The following SRD5A2 variants were observed in gnomAD, a reference collection of about 807,000 sequenced individuals.
SRD5A2 encodes the protein steroid 5 alpha-reductase 2, also known as 3-oxo-5-alpha-steroid 4-dehydrogenase 2.
SRD5A2 carries 30 observed loss-of-function variants against 27.4 expected under a neutral mutation model. The ratio of observed to expected loss-of-function variants is 1.10; its 90% CI spans 0.82 to 1.49. The LOEUF is 1.49. SRD5A2 is among the 40% of genes most tolerant of loss of function. The probability of loss-of-function intolerance (pLI) is 0.00; values close to 1 mark genes in which losing one functional copy is unlikely to be tolerated. For missense variants in SRD5A2, 348 were observed against 323.4 expected (o/e 1.08, Z -0.58); for synonymous variants, 141 against 133.6 (o/e 1.06, Z -0.38).
chr2:31,616,055 T>C, the SRD5A2 span, among the ~76,000 whole-genome samples: 2 of 152,078 alleles, frequency 1.3e-5, no homozygotes, highest in Non-Finnish European at 2.9e-5. Flanking sequence ...TCTCAGAGGA[T>C]GCATGGAAAT....
intron 1 of SRD5A2, among the ~76,000 whole-genome samples, chr2:31,574,076 T>C (rs1245537652): frequency 1.3e-5 from 2 of 152,210 alleles, no homozygotes; most frequent in Non-Finnish European, 2.9e-5. Context: ...CTCAGATGAA[T>C]GTTCAGTGGC....
chr2:31,529,168 T>G (rs1251789565), intron 4 of SRD5A2, 139 bp downstream of exon 4: 7 of 1,253,262 alleles, frequency 5.6e-6, no homozygotes, highest in Non-Finnish European at 6.6e-6. Flanking sequence ...AGTCAGAATA[T>G]GCTAACCCAG....
At chr2:31,595,350 C>T in the SRD5A2 span, among the ~76,000 whole-genome samples, 1 of 152,036 alleles carries the variant, frequency 6.6e-6, no homozygotes, top group South Asian at 2.1e-4. Context: ...CAAGCAAGCT[C>T]AATTAGAAAT....
chr2:31,551,596 G>C (rs1666381803), intron 1 of SRD5A2, among the ~76,000 whole-genome samples: 1 of 152,118 alleles, frequency 6.6e-6, no homozygotes. Context: ...TGTGCTAAAA[G>C]TGAAAAACAG....
chr2:31,568,802 C>T (rs2148095814), intron 1 of SRD5A2, among the ~76,000 whole-genome samples: 1 of 152,332 alleles, frequency 6.6e-6, no homozygotes, highest in African/African-American at 2.4e-5. Context: ...CCCACTTGCC[C>T]CTCCTCCCAT....
At chr2:31,651,071 C>T in the SRD5A2 span, among the ~76,000 whole-genome samples, 14 of 152,186 alleles carry the variant, frequency 9.2e-5, no homozygotes, top group Admixed American at 7.2e-4. Context: ...TAAGTGTCTG[C>T]GTATCTGATC....
the SRD5A2 span, among the ~76,000 whole-genome samples, chr2:31,589,298 C>T: frequency 7.9e-5 from 12 of 152,356 alleles, no homozygotes; most frequent in South Asian, 2.5e-3. Flanking sequence ...TCCACCACCT[C>T]ATCCAGTGGA....
At chr2:31,632,194 A>G in the SRD5A2 span, among the ~76,000 whole-genome samples, 5 of 152,140 alleles carry the variant, frequency 3.3e-5, no homozygotes, top group African/African-American at 9.7e-5. Flanking sequence ...GTTTTTTATA[A>G]TAGAGATCAG....
chr2:31,549,771 A>T lies in SRD5A2; in HGVS notation c.282-16005T>A, dbSNP rs149626433. 3.3e-4 allele frequency among the ~76,000 whole-genome samples: 50 copies of T among 152,344 alleles called. 1 individual carries two copies. In the East Asian group the frequency reaches 9.4e-3, roughly 29 times the overall value. On this transcript the variant is annotated intron_variant, in intron 1 of 4. Coordinates refer to ENST00000622030, the MANE Select transcript of SRD5A2 (RefSeq NM_000348.4). ...ACCAGAAGGAAAAATAAATAGATCT[A>T]CTATTAAAGCTGAAGGCTTCAACAC...
At chr2:31,651,539 C>G in the SRD5A2 span, 1 of 193,798 alleles carries the variant, frequency 5.2e-6, no homozygotes, top group East Asian at 1.2e-4. Context: ...ATTCATCAGA[C>G]AAGATCAGTG....
At chr2:31,551,196 A>G (rs1338887402) in intron 1 of SRD5A2, among the ~76,000 whole-genome samples, 2 of 152,122 alleles carry the variant, frequency 1.3e-5, no homozygotes, top group Non-Finnish European at 2.9e-5. Context: ...TTAATAAAAT[A>G]AATTAAAGAT....
chr2:31,635,805 A>C, the SRD5A2 span, among the ~76,000 whole-genome samples: 232 of 152,034 alleles, frequency 1.5e-3, no homozygotes, highest in African/African-American at 5.4e-3. Context: ...ATTGAAAAGG[A>C]TTTTCTTTTC....
the SRD5A2 span, among the ~76,000 whole-genome samples, chr2:31,606,423 T>C: frequency 1.3e-5 from 2 of 152,070 alleles, no homozygotes; most frequent in Non-Finnish European, 1.5e-5. Context: ...ACAACTATCA[T>C]GTACCCACAA....
chr2:31,548,891 C>T (rs901305345), intron 1 of SRD5A2, among the ~76,000 whole-genome samples: 1 of 151,826 alleles, frequency 6.6e-6, no homozygotes, highest in Non-Finnish European at 1.5e-5. Flanking sequence ...CTTACAATGG[C>T]TTTATAAAGG....
upstream of SRD5A2, among the ~76,000 whole-genome samples, chr2:31,584,390 T>C (rs1357262989): frequency 6.6e-6 from 1 of 152,202 alleles, no homozygotes; most frequent in Non-Finnish European, 1.5e-5. Context: ...CAAGTAAGAA[T>C]ATAGCCTTTA....
At chr2:31,589,609 C>G in the SRD5A2 span, among the ~76,000 whole-genome samples, 4 of 152,218 alleles carry the variant, frequency 2.6e-5, no homozygotes, top group Non-Finnish European at 4.4e-5. Flanking sequence ...GAAACCATTC[C>G]TGGCCTCATC....
chr2:31,661,146 A>G, the SRD5A2 span, among the ~76,000 whole-genome samples: 1 of 152,170 alleles, frequency 6.6e-6, no homozygotes, highest in South Asian at 2.1e-4. Context: ...GTTTCTCCCA[A>G]AGGAATAAAA....
At chr2:31,654,886 T>C in the SRD5A2 span, among the ~76,000 whole-genome samples, 1 of 152,190 alleles carries the variant, frequency 6.6e-6, no homozygotes, top group African/African-American at 2.4e-5. Context: ...AGGGTAACCT[T>C]GTCTCCAAAT....
chr2:31,537,763 C>T (rs570428556), intron 1 of SRD5A2, among the ~76,000 whole-genome samples: 4 of 152,236 alleles, frequency 2.6e-5, no homozygotes, highest in East Asian at 1.9e-4. Flanking sequence ...CCCAATGCAA[C>T]GGTGCTGAAA....
Sources: gnomAD v4.1 joint callset for allele counts (sites outside exome capture counted in the v4.1 genomes callset) on GRCh38, gnomAD v4.1.1 for gene constraint, MANE v1.5 for transcripts, NCBI Gene and HGNC (gene_info 2026-07-23, HGNC 2026-07-21) for gene names.